The following BTRC variants were observed in gnomAD, a reference collection of about 807,000 sequenced individuals.
BTRC encodes the protein F-box/WD repeat-containing protein 1A.
Under a neutral mutation model 85.5 loss-of-function variants are expected in BTRC, and 42 were observed. That is an observed-to-expected ratio of 0.49 (90% confidence interval 0.38 to 0.64). BTRC has a LOEUF of 0.64. Ranked by LOEUF, BTRC falls within the 30% of genes least tolerant of loss-of-function variation. The pLI is 0.00. For synonymous variants in BTRC, 255 were observed against 263.3 expected (o/e 0.97, Z 0.30); for missense variants, 594 against 743.5 (o/e 0.80, Z 2.34).
chr10:101,544,147 G>C (rs1238797807), intron 13 of BTRC, among the ~76,000 whole-genome samples: 2 of 152,108 alleles, frequency 1.3e-5, no homozygotes, highest in Non-Finnish European at 1.5e-5. Flanking sequence ...CTGACCTCGT[G>C]ATCCGCCCGC....
intron 6 of BTRC, among the ~76,000 whole-genome samples, chr10:101,530,864 A>G (rs2062269325): frequency 6.6e-6 from 1 of 152,196 alleles, no homozygotes; most frequent in African/African-American, 2.4e-5. Flanking sequence ...TTCAAAATAT[A>G]TGAAGTTCCT....
rs1942697136 is a variant in BTRC at position 101,373,452 on chromosome 10, C to T, written c.48+19224C>T. 2.0e-5 allele frequency among the ~76,000 whole-genome samples: 3 copies of T among 151,926 alleles called. No individual in the cohort carries two copies. In the South Asian group the frequency reaches 6.2e-4, roughly 32 times the overall value. On this transcript the variant is annotated intron_variant, in intron 1 of 14. Coordinates refer to ENST00000370187, the MANE Select transcript of BTRC (RefSeq NM_033637.4). The stretch of plus-strand genomic sequence containing the variant: ...GAAGGTTGCTGAGAGTAGGGTAGAA[C>T]AAATGAAGAAAAAGAGTAAAATATA...
chr10:101,357,500 G>A (rs1202010195), intron 1 of BTRC, among the ~76,000 whole-genome samples: 1 of 149,408 alleles, frequency 6.7e-6, no homozygotes, highest in Non-Finnish European at 1.5e-5. Flanking sequence ...TTAGTGCACA[G>A]TACACATGGA....
chr10:101,543,910 T>G (rs3127233), intron 13 of BTRC, among the ~76,000 whole-genome samples: 95,800 of 152,082 alleles, frequency 0.63, 31,349 homozygotes, highest in East Asian at 0.85. Context: ...CTTTTAAGAT[T>G]TTTTTGTTTG....
chr10:101,520,098 C>T (rs2062081280), intron 4 of BTRC, among the ~76,000 whole-genome samples: 1 of 152,148 alleles, frequency 6.6e-6, no homozygotes, highest in Non-Finnish European at 1.5e-5. Flanking sequence ...TTCTTCATAG[C>T]ACTACCTACA....
intron 1 of BTRC, among the ~76,000 whole-genome samples, chr10:101,417,434 C>T (rs777981462): frequency 2.0e-5 from 3 of 152,080 alleles, no homozygotes; most frequent in African/African-American, 2.4e-5. Flanking sequence ...TAGGTATCTT[C>T]GACAGGAATA....
At chr10:101,466,109 T>G (rs1363102041) in intron 3 of BTRC, among the ~76,000 whole-genome samples, 4 of 152,214 alleles carry the variant, frequency 2.6e-5, no homozygotes, top group African/African-American at 4.8e-5. Flanking sequence ...TTCAACTCTT[T>G]GCTTCTCATT....
At chr10:101,542,337 C>CT (rs918902540) in intron 13 of BTRC, among the ~76,000 whole-genome samples, 2 of 151,516 alleles carry the variant, frequency 1.3e-5, no homozygotes, top group African/African-American at 4.9e-5. Context: ...GACTTTGAAC[C>CT]TTTTTTTAAA....
intron 5 of BTRC, among the ~76,000 whole-genome samples, chr10:101,522,367 CAAAAAAAAACAA>C (rs1189563037): frequency 4.7e-5 from 1 of 21,416 alleles, no homozygotes; most frequent in Non-Finnish European, 7.0e-5. Context: ...AAAAAAAAAA[CAAAAAAAAACAA>C]AAAAAAAAAA....
rs539098383 is a variant in BTRC at position 101,382,120 on chromosome 10, T to C, written c.48+27892T>C. ...GCCTCAGCTTCCTGAGTAGCTGTTA[T>C]TACAGGCACCTGCCACCACGCCCGG... On this transcript the variant is annotated intron_variant, in intron 1 of 14. Coordinates refer to ENST00000370187, the MANE Select transcript of BTRC (RefSeq NM_033637.4). Among the ~76,000 whole-genome samples the C allele has an allele frequency of 7.9e-5, 12 of 151,740 alleles. No individual in the cohort carries two copies. In the South Asian group the frequency reaches 2.5e-3, roughly 32 times the overall value.
At chr10:101,418,448 G>A (rs58119949) in intron 1 of BTRC, among the ~76,000 whole-genome samples, 4,467 of 151,826 alleles carry the variant, frequency 0.029, 224 homozygotes, top group East Asian at 0.26. Flanking sequence ...TTTAAATGGC[G>A]AATAGTTATT....
chr10:101,376,587 A>G (rs1378694951), intron 1 of BTRC, among the ~76,000 whole-genome samples: 4 of 152,204 alleles, frequency 2.6e-5, no homozygotes, highest in African/African-American at 9.6e-5. Context: ...TCACATCACA[A>G]TAAAACTGGT....
At chr10:101,534,560 G>T in intron 9 of BTRC, 101 bp from the exon 10 acceptor site, 1 of 1,452,544 alleles carries the variant, frequency 6.9e-7, no homozygotes, top group Admixed American at 1.7e-5. Context: ...TCCCAGTCTG[G>T]CCCTCTCTCT....
chr10:101,447,640 TA>T (rs1242470507), intron 2 of BTRC, among the ~76,000 whole-genome samples: 1 of 152,162 alleles, frequency 6.6e-6, no homozygotes, highest in Non-Finnish European at 1.5e-5. Flanking sequence ...CAACAAGTGC[TA>T]TTGATGATAG....
intron 1 of BTRC, among the ~76,000 whole-genome samples, chr10:101,382,824 A>G (rs994447295): frequency 1.2e-4 from 18 of 152,136 alleles, no homozygotes; most frequent in African/African-American, 4.1e-4. Flanking sequence ...TGAAATGGTG[A>G]GTGTTTCCTA....
intron 4 of BTRC, among the ~76,000 whole-genome samples, chr10:101,513,426 C>A (rs912458614): frequency 1.3e-5 from 2 of 152,104 alleles, no homozygotes; most frequent in African/African-American, 4.8e-5. Context: ...TCCCTTGTAC[C>A]CTTCCCCAGT....
intron 4 of BTRC, among the ~76,000 whole-genome samples, chr10:101,514,076 G>A (rs898745193): frequency 6.6e-6 from 1 of 151,958 alleles, no homozygotes; most frequent in Non-Finnish European, 1.5e-5. Context: ...ATCTTTTTTT[G>A]TGAAGTATCT....
chr10:101,424,784 G>A (rs898655047), intron 1 of BTRC, among the ~76,000 whole-genome samples: 3 of 152,108 alleles, frequency 2.0e-5, no homozygotes, highest in Non-Finnish European at 4.4e-5. Flanking sequence ...AGCACTGGAG[G>A]CCCTTCATTG....
chr10:101,554,273 A>G lies in BTRC; in HGVS notation c.*1150A>G, dbSNP rs968482055. On this transcript the variant is annotated 3_prime_UTR_variant, in exon 15 of 15. Coordinates refer to ENST00000370187, the MANE Select transcript of BTRC (RefSeq NM_033637.4). ...GAAAGATTTGAAATGGCCAGAGCCA[A>G]TCGCTTGGTGCATTCTGCGTAATGG... The G allele has an allele frequency of 3.9e-5, 6 of 152,238 alleles. No homozygotes were observed. The highest frequency in any genetic ancestry group is 3.8e-4 in the East Asian group (2 of 5,202). 9.4% of individuals were successfully genotyped at this position (152,238 alleles called of 1,614,324 possible). A position where few individuals can be genotyped will look rare whatever the true frequency, so the allele number is the denominator to read the frequency against.
Sources: gnomAD v4.1 joint callset for allele counts (sites outside exome capture counted in the v4.1 genomes callset) on GRCh38, gnomAD v4.1.1 for gene constraint, MANE v1.5 for transcripts, NCBI Gene and HGNC (gene_info 2026-07-23, HGNC 2026-07-21) for gene names.